DLG2: variants seen among roughly 807,000 people sequenced by gnomAD.
The protein encoded by DLG2 is disks large homolog 2.
In DLG2, 45 loss-of-function variants were observed where a neutral mutation model predicts 132.5. That is an observed-to-expected ratio of 0.34 (90% confidence interval 0.27 to 0.44). The LOEUF is 0.44. Ranked by LOEUF, DLG2 falls within the 20% of genes least tolerant of loss-of-function variation. The probability of loss-of-function intolerance (pLI) is 1.00; values close to 1 mark genes in which losing one functional copy is unlikely to be tolerated. For missense variants in DLG2, 1,045 were observed against 1,196.9 expected (o/e 0.87, Z 1.87); for synonymous variants, 424 against 419.6 (o/e 1.01, Z -0.13).
At chr11:85,427,931 G>C (rs181519026) in intron 3 of DLG2, among the ~76,000 whole-genome samples, 1 of 152,102 alleles carries the variant, frequency 6.6e-6, no homozygotes, top group South Asian at 2.1e-4. Context: ...GATGGAGGAA[G>C]ATCTACCAAG....
At chr11:85,582,590 G>A (rs1254029920) in intron 3 of DLG2, among the ~76,000 whole-genome samples, 7 of 137,438 alleles carry the variant, frequency 5.1e-5, no homozygotes, top group African/African-American at 1.1e-4. Context: ...TTGGGAGGCC[G>A]AGGCAGGTGG....
intron 7 of DLG2, among the ~76,000 whole-genome samples, chr11:84,269,270 C>T (rs560133969): frequency 9.2e-5 from 14 of 152,296 alleles, no homozygotes; most frequent in Admixed American, 6.5e-5. Flanking sequence ...ATGTTCCAGG[C>T]ATATCGTAAT....
At chr11:85,033,432 TA>T (rs1287573665) in intron 6 of DLG2, among the ~76,000 whole-genome samples, 2 of 147,248 alleles carry the variant, frequency 1.4e-5, no homozygotes, top group African/African-American at 5.0e-5. Context: ...CTGGTAAGGA[TA>T]AAAAAATAGA....
chr11:84,779,336 T>C (rs1597932878), intron 6 of DLG2, among the ~76,000 whole-genome samples: 1 of 152,298 alleles, frequency 6.6e-6, no homozygotes, highest in Admixed American at 6.5e-5. Flanking sequence ...TTGTAAATAA[T>C]ACTGCTTTCT....
At chr11:84,494,728 T>A (rs1020178666) in intron 7 of DLG2, among the ~76,000 whole-genome samples, 2 of 152,132 alleles carry the variant, frequency 1.3e-5, no homozygotes, top group Admixed American at 6.5e-5. Flanking sequence ...AAAGCATGAC[T>A]AGAAGAAGCA....
chr11:84,345,956 T>C (rs908254172), intron 7 of DLG2, among the ~76,000 whole-genome samples: 3 of 152,290 alleles, frequency 2.0e-5, no homozygotes, highest in African/African-American at 7.2e-5. Flanking sequence ...CCCTTTGGTA[T>C]AAAGGGAAAG....
At chr11:83,503,374 TATA>T (rs2094534734) in intron 21 of DLG2, among the ~76,000 whole-genome samples, 19 of 3,630 alleles carry the variant, frequency 5.2e-3, no homozygotes, top group African/African-American at 0.018. Flanking sequence ...CCCATTTATA[TATA>T]TATATATATA....
chr11:84,995,440 C>G (rs1164356844), intron 6 of DLG2, among the ~76,000 whole-genome samples: 2 of 152,126 alleles, frequency 1.3e-5, no homozygotes, highest in Non-Finnish European at 2.9e-5. Context: ...CTCTTATAAT[C>G]TTGTTAAGCA....
At chr11:85,167,635 A>C (rs2078553594) in intron 4 of DLG2, among the ~76,000 whole-genome samples, 1 of 152,078 alleles carries the variant, frequency 6.6e-6, no homozygotes, top group Non-Finnish European at 1.5e-5. Context: ...ATTAGATCAT[A>C]TCTCTTTTGC....
intron 11 of DLG2, among the ~76,000 whole-genome samples, chr11:84,029,828 A>G (rs1206018173): frequency 2.0e-5 from 3 of 152,054 alleles, no homozygotes; most frequent in Non-Finnish European, 4.4e-5. Context: ...TTCTCTTCCT[A>G]TATTTCATAA....
chr11:84,355,149 C>T (rs571288315), intron 7 of DLG2, among the ~76,000 whole-genome samples: 1 of 151,928 alleles, frequency 6.6e-6, no homozygotes, highest in Non-Finnish European at 1.5e-5. Flanking sequence ...CAACAGAGAA[C>T]CTGTGAATGC....
intron 6 of DLG2, among the ~76,000 whole-genome samples, chr11:84,614,438 G>C (rs1005696866): frequency 6.6e-6 from 1 of 152,174 alleles, no homozygotes. Flanking sequence ...GACAGACAAG[G>C]AGAAGCTAGA....
At chr11:84,600,854 C>A (rs1207607108) in intron 6 of DLG2, among the ~76,000 whole-genome samples, 1 of 152,046 alleles carries the variant, frequency 6.6e-6, no homozygotes. Flanking sequence ...GAAATAATTG[C>A]CTTTTACAAC....
intron 4 of DLG2, among the ~76,000 whole-genome samples, chr11:85,269,086 G>C (rs1157327531): frequency 6.6e-6 from 1 of 152,212 alleles, no homozygotes; most frequent in Non-Finnish European, 1.5e-5. Context: ...TCCCAGGAAT[G>C]TGTGTGCTTC....
chr11:85,418,775 A>G (rs1366214147), intron 3 of DLG2, among the ~76,000 whole-genome samples: 1 of 151,910 alleles, frequency 6.6e-6, no homozygotes, highest in Non-Finnish European at 1.5e-5. Context: ...TTTGCTTTCC[A>G]TTTGCCTAGT....
At chr11:84,118,918 C>T (rs2093771138) in intron 9 of DLG2, among the ~76,000 whole-genome samples, 1 of 152,154 alleles carries the variant, frequency 6.6e-6, no homozygotes, top group Admixed American at 6.6e-5. Context: ...ATAAATATGA[C>T]TTGCCACATT....
chr11:84,641,906 A>G (rs1294974317), intron 6 of DLG2, among the ~76,000 whole-genome samples: 1 of 151,508 alleles, frequency 6.6e-6, no homozygotes, highest in South Asian at 2.1e-4. Flanking sequence ...GAAACTGTAC[A>G]TGTGTGGATA....
At chr11:84,540,555 C>T (rs941932400) in intron 6 of DLG2, among the ~76,000 whole-genome samples, 14 of 151,974 alleles carry the variant, frequency 9.2e-5, no homozygotes, top group South Asian at 4.1e-4. Context: ...GTGCTGGAGA[C>T]GATGTGGAGA....
intron 18 of DLG2, among the ~76,000 whole-genome samples, chr11:83,717,118 G>A (rs1003575096): frequency 2.6e-5 from 4 of 152,060 alleles, no homozygotes; most frequent in African/African-American, 9.7e-5. Flanking sequence ...TGGAGCTCCT[G>A]TCTTTTCGAG....
Sources: allele counts gnomAD v4.1 joint callset (sites outside exome capture counted in the v4.1 genomes callset), GRCh38; gene constraint gnomAD v4.1.1; transcripts MANE v1.5; gene names NCBI Gene and HGNC (gene_info 2026-07-23, HGNC 2026-07-21).